Variants in GAL3ST1 observed in about 807,000 individuals in gnomAD.
The protein encoded by GAL3ST1 is galactose-3-O-sulfotransferase 1, also known as galactosylceramide sulfotransferase.
In GAL3ST1, 13 loss-of-function variants were observed where a neutral mutation model predicts 25.0. The observed-to-expected ratio is 0.52, with a 90% CI of 0.34 to 0.83. GAL3ST1 has a LOEUF of 0.83. Among genes scored for constraint, GAL3ST1 ranks in the 40% least tolerant of loss-of-function variants. GAL3ST1 has a pLI of 0.02. For synonymous variants in GAL3ST1, 274 were observed against 277.8 expected, an observed-to-expected ratio of 0.99 and a Z score of 0.14; for missense variants, 474 against 613.6, an observed-to-expected ratio of 0.77 and a Z score of 2.40.
intron 2 of GAL3ST1, among the ~76,000 whole-genome samples, chr22:30,558,034 C>T (rs916701184): frequency 5.9e-5 from 9 of 151,788 alleles, no homozygotes; most frequent in African/African-American, 1.4e-4. Flanking sequence ...GCAATCCGCC[C>T]GCCTTGGCCT....
intron 1 of GAL3ST1, among the ~76,000 whole-genome samples, chr22:30,566,334 C>T (rs2086622670): frequency 6.6e-6 from 1 of 152,236 alleles, no homozygotes; most frequent in Non-Finnish European, 1.5e-5. Flanking sequence ...ACTCTGAACC[C>T]AACACGGTCC....
At chr22:30,568,878 C>A (rs2146426913) in intron 1 of GAL3ST1, among the ~76,000 whole-genome samples, 1 of 152,088 alleles carries the variant, frequency 6.6e-6, no homozygotes, top group Middle Eastern at 3.4e-3. Flanking sequence ...GGGTCCGAGA[C>A]CAGCCTGGCC....
chr22:30,567,212 C>T (rs982080563), intron 1 of GAL3ST1, among the ~76,000 whole-genome samples: 1 of 152,062 alleles, frequency 6.6e-6, no homozygotes, highest in Non-Finnish European at 1.5e-5. Context: ...GAACCCCAAC[C>T]CCAGAGGTCA....
chr22:30,570,260 G>A (rs2146433245), intron 1 of GAL3ST1, among the ~76,000 whole-genome samples: 1 of 152,326 alleles, frequency 6.6e-6, no homozygotes, highest in Middle Eastern at 3.4e-3. Context: ...GCTTTCAAGA[G>A]TGGAGCAAAA....
chr22:30,562,867 A>T (rs1037711614), intron 1 of GAL3ST1, among the ~76,000 whole-genome samples: 1 of 152,234 alleles, frequency 6.6e-6, no homozygotes, highest in Non-Finnish European at 1.5e-5. Context: ...GTGTAATCCC[A>T]GCACTTTGGG....
At chr22:30,574,207 C>G (rs1273439786) in intron 1 of GAL3ST1, among the ~76,000 whole-genome samples, 1 of 152,076 alleles carries the variant, frequency 6.6e-6, no homozygotes, top group Non-Finnish European at 1.5e-5. Flanking sequence ...ACTGGGAAGC[C>G]CTGGAAGGGG....
intron 1 of GAL3ST1, among the ~76,000 whole-genome samples, chr22:30,560,104 C>T (rs1418124256): frequency 6.6e-6 from 1 of 152,210 alleles, no homozygotes; most frequent in Non-Finnish European, 1.5e-5. Flanking sequence ...GGTCGCACCA[C>T]TGCACTTCAG....
At chr22:30,558,139 A>T (rs1242435884) in intron 2 of GAL3ST1, 140 bp downstream of exon 2, 7 of 151,544 alleles carry the variant, frequency 4.6e-5, no homozygotes, top group Non-Finnish European at 1.0e-4. Flanking sequence ...AGTGGCTCAC[A>T]CCTGTCATCC....
In GAL3ST1 at chr22:30,554,918, G is replaced by GC; in HGVS notation, c.*34dup. On this transcript the variant is annotated 3_prime_UTR_variant, in exon 4 of 4. Transcript: ENST00000406361. ...GTCCTGCTCAGCCCCTCTGCAGGGA[G>GC]CGAGCAGGCAGGCAAGCCGCTGGGC... The GC allele has an allele frequency of 6.7e-7, 1 of 1,487,588 alleles. No individual in the cohort carries two copies. Among genetic ancestry groups the GC allele is most frequent in the Non-Finnish European group, 9.1e-7 (1 of 1,100,050 alleles). The allele number at this position is 1,487,588 out of a possible 1,614,324, so 92.1% of individuals were successfully genotyped here.
In GAL3ST1 at chr22:30,555,054, G is replaced by A. The variant is rs775525763; in HGVS notation, c.1171C>T (p.Arg391Trp). The change falls in exon 4 of 4, where the codon CGG becomes TGG. Residue 391 changes from arginine to tryptophan, a missense_variant. By Grantham distance (101) the Arg-to-Trp change is moderately radical. Coordinates refer to ENST00000406361, the MANE Select transcript of GAL3ST1 (RefSeq NM_001318104.2). The surrounding 1 kb of genome is among the most constrained non-coding windows in gnomAD (Gnocchi z 8.6). ...TGGATCTCGGGCGTGAGCATGCGCC[G>A]GCAGAGCTGCGCGTGCCGCTGCCCG... ...SIGQRHAQLCRRMLTPEIQYL... is the reference protein window; with the variant it reads ...SIGQRHAQLCWRMLTPEIQYL... 3 of 1,612,262 alleles carry A rather than the reference G, an allele frequency of 1.9e-6. No homozygotes were observed. Among genetic ancestry groups the A allele is most frequent in the African/African-American group, 2.7e-5 (2 of 74,930 alleles).
Position 30,555,860 on chromosome 22 carries a change from G to A in GAL3ST1, c.365C>T (p.Ala122Val), listed in dbSNP as rs763096645. Residue 122 changes from alanine to valine, a missense_variant, in exon 4 of 4, where the codon GCC becomes GTC. Around this residue, in one of 2 missense-constraint regions of GAL3ST1, gnomAD observed 359 missense variants for 504.4 expected, o/e 0.71. Transcript: ENST00000406361. The surrounding 1 kb of genome is among the most constrained non-coding windows in gnomAD (Gnocchi z 8.6). ...CCGATAGTCCTGCACCAGGCTGCGG[G>A]CGAAGAAGGTCGGGTAGTCGAAGTC... ...RNDFDYPTFFARSLVQDYRPG... is the reference protein window; with the variant it reads ...RNDFDYPTFFVRSLVQDYRPG... 1.1e-4 allele frequency: 170 copies of A among 1,614,084 alleles called. No individual in the cohort carries two copies. The highest frequency in any genetic ancestry group is 1.4e-4 in the Non-Finnish European group (164 of 1,180,044).
chr22:30,571,495 G>C (rs2086784243), intron 1 of GAL3ST1, among the ~76,000 whole-genome samples: 1 of 152,178 alleles, frequency 6.6e-6, no homozygotes, highest in Non-Finnish European at 1.5e-5. Flanking sequence ...CCCAGCAGTT[G>C]AGAGAGGGTA....
rs949276266 is a variant in GAL3ST1 at position 30,556,037 on chromosome 22, A to G, written c.188T>C (p.Ile63Thr). The G allele has an allele frequency of 9.3e-6, 15 of 1,612,752 alleles. No homozygotes were observed. Among genetic ancestry groups the G allele is most frequent in the Non-Finnish European group, 1.2e-5 (14 of 1,179,918 alleles). ...CTCCCCCGCCGAGCCGTTGGCCCGG[A>G]TCACTGCCTCTGGCTCGAGTGCAGG... ...SPPALEPEAV[I>T]RANGSAGECQ... The change falls in exon 4 of 4, where the codon ATC (isoleucine) becomes ACC (threonine). Residue 63 changes from isoleucine to threonine, a missense_variant. Ile to Thr is a moderately conservative substitution (Grantham distance 89). Coordinates refer to ENST00000406361, the MANE Select transcript of GAL3ST1 (RefSeq NM_001318104.2).
intron 1 of GAL3ST1, among the ~76,000 whole-genome samples, chr22:30,568,321 T>C (rs1427251027): frequency 6.6e-6 from 1 of 152,188 alleles, no homozygotes; most frequent in African/African-American, 2.4e-5. Context: ...ATATTTCCCA[T>C]GCGCCCTTGC....
rs560164540 is a variant in GAL3ST1 at position 30,555,378 on chromosome 22, C to T, written c.847G>A (p.Asp283Asn). 3.1e-6 allele frequency: 5 copies of T among 1,608,292 alleles called. No homozygotes were observed. In the South Asian group the frequency reaches 3.3e-5, roughly 11 times the overall value. ...CCCGAGAGCCGCGGCACGGGCGAGT[C>T]GCGGCGGGCGTTGAGCTTGAAGTAG... ...VLYFKLNARRDSPVPRLSGEL... is the reference protein window; with the variant it reads ...VLYFKLNARRNSPVPRLSGEL... Residue 283 changes from aspartate to asparagine, a missense_variant, in exon 4 of 4, where the codon GAC (aspartate) becomes AAC (asparagine). This residue lies in a region of GAL3ST1 where 359 missense variants were observed against 504.4 expected (regional missense o/e 0.71). Transcript: ENST00000406361. This position sits in a 1 kb window ranked among gnomAD's most constrained non-coding sequence, Gnocchi z 8.6.
intron 1 of GAL3ST1, chr22:30,560,130 T>G (rs1601948912): frequency 6.6e-6 from 1 of 152,042 alleles, no homozygotes; most frequent in East Asian, 1.9e-4. Flanking sequence ...GTGACCAGAG[T>G]GAGGCCCCAT....
At chr22:30,562,904 C>G (rs901584596) in intron 1 of GAL3ST1, among the ~76,000 whole-genome samples, 1 of 152,174 alleles carries the variant, frequency 6.6e-6, no homozygotes, top group Non-Finnish European at 1.5e-5. Flanking sequence ...ATCACGAGGT[C>G]AGGAGTTCAA....
chr22:30,559,785 C>T (rs1485417872), intron 1 of GAL3ST1, among the ~76,000 whole-genome samples: 5 of 152,154 alleles, frequency 3.3e-5, no homozygotes, highest in African/African-American at 9.7e-5. Flanking sequence ...GAACTGGAGT[C>T]CAGGAGAGAG....
intron 1 of GAL3ST1, among the ~76,000 whole-genome samples, chr22:30,569,320 G>A (rs1263927740): frequency 6.6e-6 from 1 of 152,150 alleles, no homozygotes. Flanking sequence ...CCTGGAACAA[G>A]AAGGCTGGGG....
Sources: allele counts gnomAD v4.1 joint callset (sites outside exome capture counted in the v4.1 genomes callset), GRCh38; gene constraint gnomAD v4.1.1; regional missense constraint gnomAD v4.1.1; non-coding constraint Gnocchi (gnomAD v3.1); transcripts MANE v1.5; gene names NCBI Gene and HGNC (gene_info 2026-07-23, HGNC 2026-07-21).